Variants in CEP164 observed in about 807,000 individuals in gnomAD.
The protein encoded by CEP164 is centrosomal protein 164, also known as centrosomal protein of 164 kDa.
Under a neutral mutation model 182.7 loss-of-function variants are expected in CEP164, and 162 were observed. The observed-to-expected ratio is 0.89, with a 90% CI of 0.78 to 1.01. The LOEUF is 1.01. Among genes scored for constraint, CEP164 ranks in the 50% least tolerant of loss-of-function variants. CEP164 has a pLI of 0.00. For missense variants in CEP164, 1,735 were observed against 1,790.4 expected (o/e 0.97, Z 0.56); for synonymous variants, 661 against 690.0 (o/e 0.96, Z 0.66).
rs114530104 is a variant in CEP164 at position 117,375,687 on chromosome 11, T to G, written c.1234-21T>G. On this transcript the variant is annotated intron_variant, in intron 10 of 32. Transcript: ENST00000278935. ...ACTGTGACAGAGGCAGAGTTGACCT[T>G]TGCATCTCCACTGTCTCCAGGACTT... is the stretch of plus-strand genomic sequence containing the variant. 2.0e-3 allele frequency: 3,193 copies of G among 1,611,272 alleles called. 77 individuals are homozygous for G. The African/African-American group carries it at 0.038, about 19-fold the overall frequency.
rs1423887740 is a variant in CEP164, at chr11:117,344,292, G to T, written c.194+15G>T. 1 of 1,579,910 alleles carries T rather than the reference G, an allele frequency of 6.3e-7. No individual in the cohort carries two copies. The highest frequency in any genetic ancestry group is 8.7e-7 in the Non-Finnish European group (1 of 1,152,812). ...TGGAAACCATGGTAAGTCAGCAGGGGGTGCGGCCACTGACTTGGCCTAGCA... is the reference window on the plus strand; with the variant it reads ...TGGAAACCATGGTAAGTCAGCAGGGTGTGCGGCCACTGACTTGGCCTAGCA... On this transcript the variant is annotated intron_variant, in intron 4 of 32. Transcript: ENST00000278935.
intron 27 of CEP164, among the ~76,000 whole-genome samples, chr11:117,407,457 C>CAAAAAAAAAAAAAAAAAAAAAAAAAAA (rs1232486465): frequency 1.4e-5 from 1 of 69,028 alleles, no homozygotes; most frequent in African/African-American, 5.2e-5. Flanking sequence ...TCTGTCTCTA[C>CAAAAAAAAAAAAAAAAAAAAAAAAAAA]AAAAAAAAAA....
chr11:117,334,631 C>A (rs1204323615), intron 1 of CEP164, among the ~76,000 whole-genome samples: 1 of 151,882 alleles, frequency 6.6e-6, no homozygotes. Flanking sequence ...ACTAAAAATC[C>A]AGAGATTAGC....
intron 1 of CEP164, among the ~76,000 whole-genome samples, chr11:117,331,849 T>C (rs1275606536): frequency 6.6e-6 from 1 of 151,656 alleles, no homozygotes; most frequent in Non-Finnish European, 1.5e-5. Context: ...TGGTCTCAAG[T>C]GATCCTCCCA....
rs1336041932 is a variant in CEP164 at position 117,392,487 on chromosome 11, C to T, written c.2362-9C>T. 1 of 1,611,644 alleles carries T rather than the reference C, an allele frequency of 6.2e-7. No individual in the cohort carries two copies. The highest frequency in any genetic ancestry group is 8.5e-7 in the Non-Finnish European group (1 of 1,178,974). ...TCACACTCCCCTGTGTGTGCGGGGG[C>T]CTCCTCAGGTGGTCTCCAGCCTCCA... On this transcript the variant is annotated splice_polypyrimidine_tract_variant and intron_variant, in intron 18 of 32. Transcript: ENST00000278935.
rs901284620 is a variant in CEP164, at chr11:117,363,390, T to G, written c.688-39T>G. On this transcript the variant is annotated intron_variant, in intron 7 of 32. Coordinates refer to ENST00000278935, the MANE Select transcript of CEP164 (RefSeq NM_014956.5). ...CACCCCTCACCCTGGGTTGACCAGT[T>G]TCTTCAGAGTTACCACTTGTCATCA... The G allele has an allele frequency of 2.7e-6, 4 of 1,497,732 alleles. No individual in the cohort carries two copies. The African/African-American group carries it at 4.1e-5, about 15-fold the overall frequency. 92.8% of individuals were successfully genotyped at this position (1,497,732 alleles called of 1,614,324 possible).
chr11:117,376,337 A>T (rs1252368904), intron 11 of CEP164, among the ~76,000 whole-genome samples: 1 of 151,846 alleles, frequency 6.6e-6, no homozygotes, highest in East Asian at 1.9e-4. Context: ...GTTTTGTTTG[A>T]TGGTTGTTTG....
At chr11:117,402,135 C>G (rs2046211757) in intron 27 of CEP164, among the ~76,000 whole-genome samples, 1 of 152,062 alleles carries the variant, frequency 6.6e-6, no homozygotes, top group Non-Finnish European at 1.5e-5. Context: ...CCTCTAAACC[C>G]TGCTTTAGCT....
At chr11:117,349,763 T>C (rs1431694076) in intron 4 of CEP164, among the ~76,000 whole-genome samples, 2 of 152,204 alleles carry the variant, frequency 1.3e-5, no homozygotes, top group East Asian at 3.8e-4. Context: ...TTTACCAAAG[T>C]GGCAGCACCA....
chr11:117,323,023 C>T (rs963640935), upstream of CEP164, among the ~76,000 whole-genome samples: 6 of 152,066 alleles, frequency 3.9e-5, no homozygotes, highest in African/African-American at 1.4e-4. Context: ...ACCTCAGCCT[C>T]CCGAAGTGCT....
upstream of CEP164, among the ~76,000 whole-genome samples, chr11:117,323,437 T>G (rs1242980221): frequency 6.6e-6 from 1 of 152,166 alleles, no homozygotes; most frequent in East Asian, 1.9e-4. Flanking sequence ...CATTTTTTTT[T>G]ATGGCTGAAT....
chr11:117,324,006 G>A (rs944810295), upstream of CEP164: 2 of 229,132 alleles, frequency 8.7e-6, no homozygotes, highest in Non-Finnish European at 1.9e-5. Context: ...AGTGGTTTCT[G>A]ACCTAGGAGT....
Position 117,395,596 on chromosome 11 carries a change from C to G in CEP164, c.2963C>G (p.Thr988Ser), listed in dbSNP as rs2305830. The change falls in exon 24 of 33, where the codon ACC (threonine) becomes AGC (serine). Residue 988 changes from threonine to serine, a missense_variant. Transcript: ENST00000278935. ...QQLEEAQKEH[T>S]HLLQSNQQLR... ...CTGGAGGAGGCACAGAAGGAGCACA[C>G]CCACCTGTTGCAGTCAAACCAGCAG... is the stretch of plus-strand genomic sequence containing the variant. The G allele has an allele frequency of 0.3, 476,973 of 1,613,384 alleles. 71,395 individuals carry two copies. Among genetic ancestry groups the G allele is most frequent in the Non-Finnish European group, 0.31 (362,755 of 1,179,778 alleles).
chr11:117,355,203 G>A (rs1468115120), intron 5 of CEP164: 4 of 1,289,852 alleles, frequency 3.1e-6, no homozygotes, highest in Non-Finnish European at 4.0e-6. Context: ...ATCTTAGGCA[G>A]GGCCCCAGCC....
At chr11:117,325,241 C>T (rs192806035), upstream of CEP164, among the ~76,000 whole-genome samples, 21 of 152,024 alleles carry the variant, frequency 1.4e-4, no homozygotes, top group Admixed American at 9.2e-4. Context: ...TGTGCCACCA[C>T]GCCCAGTGAA....
Position 117,409,359 on chromosome 11 carries a change from C to T in CEP164, c.3749-259C>T. 1.7e-6 allele frequency: 1 copy of T among 574,496 alleles called. No homozygotes were observed. Among genetic ancestry groups the T allele is most frequent in the Non-Finnish European group, 3.1e-6 (1 of 324,980 alleles). The allele number at this position is 574,496 out of a possible 1,614,324, so 35.6% of individuals were successfully genotyped here. A position where few individuals can be genotyped will look rare whatever the true frequency, so the allele number is the denominator to read the frequency against. Reference sequence around the variant, plus strand: ...CCTGTATGTGACAGAAGGGCCCTCTCCCCTTCCTTCTCTCTGGGGTCCTGG... The same window carrying T: ...CCTGTATGTGACAGAAGGGCCCTCTTCCCTTCCTTCTCTCTGGGGTCCTGG... On this transcript the variant is annotated intron_variant, in intron 29 of 32. Transcript: ENST00000278935. This position sits in a 1 kb window ranked among gnomAD's most constrained non-coding sequence, Gnocchi z 4.4.
intron 5 of CEP164, among the ~76,000 whole-genome samples, chr11:117,354,759 C>G (rs1398243159): frequency 6.9e-6 from 1 of 144,794 alleles, no homozygotes; most frequent in Admixed American, 7.0e-5. Flanking sequence ...TTTTTTTTTG[C>G]TATTGATTTT....
At chr11:117,377,390 C>T (rs897209337) in intron 11 of CEP164, among the ~76,000 whole-genome samples, 1 of 152,160 alleles carries the variant, frequency 6.6e-6, no homozygotes, top group African/African-American at 2.4e-5. Flanking sequence ...GGGTTGGGGA[C>T]CCCTCCCCTA....
intron 18 of CEP164, 24 bp downstream of exon 18, chr11:117,392,327 C>T: frequency 6.2e-7 from 1 of 1,602,636 alleles, no homozygotes; most frequent in Non-Finnish European, 8.5e-7. Flanking sequence ...TCCTGGGCCC[C>T]CTTCATGGCT....
Sources: gnomAD v4.1 joint callset for allele counts (sites outside exome capture counted in the v4.1 genomes callset) on GRCh38, gnomAD v4.1.1 for gene constraint, Gnocchi (gnomAD v3.1) non-coding constraint, MANE v1.5 for transcripts, NCBI Gene and HGNC (gene_info 2026-07-23, HGNC 2026-07-21) for gene names.